Variants in DYTN observed in about 807,000 individuals in gnomAD.
DYTN encodes dystrotelin.
A neutral mutation model predicts 69.6 loss-of-function variants in DYTN; 75 were observed. The ratio of observed to expected loss-of-function variants is 1.08; its 90% confidence interval spans 0.89 to 1.31. The LOEUF is 1.31. DYTN is among the 50% of genes most tolerant of loss of function. DYTN has a pLI of 0.00. For synonymous variants in DYTN, 252 were observed against 249.1 expected, an observed-to-expected ratio of 1.01 and a Z score of -0.11; for missense variants, 726 against 688.4, an observed-to-expected ratio of 1.05 and a Z score of -0.61.
chr2:206,693,473 G>C (rs999450648), intron 8 of DYTN, 150 bp from the exon 9 acceptor site: 3 of 1,068,554 alleles, frequency 2.8e-6, no homozygotes, highest in Non-Finnish European at 3.9e-6. Context: ...TCTTGTCCCT[G>C]AATTTCTTCA....
At chr2:206,712,012 A>G (rs1700082962) in intron 1 of DYTN, among the ~76,000 whole-genome samples, 1 of 152,280 alleles carries the variant, frequency 6.6e-6, no homozygotes, top group South Asian at 2.1e-4. Context: ...ATGTTATTCA[A>G]TAAAGTTATA....
At chr2:206,717,726 G>T (rs1226700283) in intron 1 of DYTN, among the ~76,000 whole-genome samples, 1 of 152,072 alleles carries the variant, frequency 6.6e-6, no homozygotes. Context: ...GGGGAGTAAG[G>T]CTCCAAACAG....
At chr2:206,710,069 C>T (rs769635040) in intron 2 of DYTN, among the ~76,000 whole-genome samples, 6 of 152,066 alleles carry the variant, frequency 3.9e-5, no homozygotes, top group Non-Finnish European at 7.4e-5. Context: ...TTCATTTGTA[C>T]CTACTTTTGC....
intron 9 of DYTN, among the ~76,000 whole-genome samples, chr2:206,672,851 T>G (rs1188055666): frequency 2.6e-5 from 4 of 152,240 alleles, no homozygotes; most frequent in Non-Finnish European, 4.4e-5. Flanking sequence ...AACATAGCAT[T>G]TCTAATCTCT....
chr2:206,672,529 G>A (rs905631643), intron 9 of DYTN, among the ~76,000 whole-genome samples: 1 of 152,160 alleles, frequency 6.6e-6, no homozygotes. Context: ...CCCATGAGGG[G>A]TGTCTCCTGG....
chr2:206,700,567 C>T (rs552100829), intron 5 of DYTN, among the ~76,000 whole-genome samples: 2 of 151,752 alleles, frequency 1.3e-5, no homozygotes, highest in African/African-American at 4.8e-5. Flanking sequence ...CACAATAATA[C>T]TGTCTTAAAG....
At chr2:206,678,692 C>T (rs2105892993) in intron 9 of DYTN, among the ~76,000 whole-genome samples, 1 of 152,204 alleles carries the variant, frequency 6.6e-6, no homozygotes, top group East Asian at 1.9e-4. Context: ...ATAAATTTTA[C>T]AGTGTAGTCT....
chr2:206,696,464 T>A (rs900787152), intron 7 of DYTN, among the ~76,000 whole-genome samples: 9 of 152,194 alleles, frequency 5.9e-5, no homozygotes, highest in Non-Finnish European at 1.0e-4. Context: ...TGGCAGGATA[T>A]TAATAAATAA....
intron 1 of DYTN, among the ~76,000 whole-genome samples, chr2:206,717,236 T>C (rs192944973): frequency 1.4e-4 from 21 of 152,306 alleles, no homozygotes; most frequent in African/African-American, 5.1e-4. Context: ...AGGATTCTTG[T>C]TTTTGCTCAG....
chr2:206,653,677 A>G (rs1270807255), intron 11 of DYTN, among the ~76,000 whole-genome samples: 4 of 152,222 alleles, frequency 2.6e-5, no homozygotes, highest in African/African-American at 9.6e-5. Flanking sequence ...AAGCAAGCCA[A>G]TATGTATTGA....
At chr2:206,658,671 G>A (rs1351979388) in intron 11 of DYTN, among the ~76,000 whole-genome samples, 1 of 152,132 alleles carries the variant, frequency 6.6e-6, no homozygotes, top group Non-Finnish European at 1.5e-5. Context: ...TGGTCCAATT[G>A]TTTCCCCCTG....
intron 9 of DYTN, among the ~76,000 whole-genome samples, chr2:206,676,305 A>C (rs1699685954): frequency 6.6e-6 from 1 of 152,212 alleles, no homozygotes; most frequent in African/African-American, 2.4e-5. Flanking sequence ...AGAAACCATC[A>C]TCCACAGCAA....
rs760204075 is a variant in DYTN, at chr2:206,662,987, C to A, written c.1549G>T (p.Glu517Ter). The change falls in exon 11 of 12, where the codon GAG becomes TAG. Residue 517 changes from glutamate to a stop codon, truncating the protein, a stop_gained. Coordinates refer to ENST00000452335, the MANE Select transcript of DYTN (RefSeq NM_001093730.1). LOFTEE classifies it high-confidence loss of function. ...VEKKEAGNIK[E>*]RKDELEEEEL... ...TCTTCCTCCAGCTCATCCTTTCTCTCCTTGATGTTACCTGCCTCTTTCTTT... is the reference window on the plus strand; with the variant it reads ...TCTTCCTCCAGCTCATCCTTTCTCTACTTGATGTTACCTGCCTCTTTCTTT... 1.9e-6 allele frequency: 3 copies of A among 1,613,730 alleles called. No individual in the cohort carries two copies. The highest frequency in any genetic ancestry group is 2.7e-5 in the African/African-American group (2 of 74,858).
chr2:206,704,156 A>C (rs1403439336), intron 5 of DYTN, among the ~76,000 whole-genome samples: 1 of 152,162 alleles, frequency 6.6e-6, no homozygotes, highest in East Asian at 1.9e-4. Context: ...GGCACTGTTC[A>C]AGTCACTGGA....
chr2:206,673,449 G>C (rs909460379), intron 9 of DYTN, among the ~76,000 whole-genome samples: 1 of 152,028 alleles, frequency 6.6e-6, no homozygotes, highest in African/African-American at 2.4e-5. Flanking sequence ...GTAGAGACGG[G>C]GTTTCACCAC....
At chr2:206,700,290 AGCTGGTGCCCACG>A (rs2105899440) in intron 5 of DYTN, 74 bp from the exon 6 acceptor site, 1 of 1,527,862 alleles carries the variant, frequency 6.5e-7, no homozygotes, top group East Asian at 2.3e-5. Flanking sequence ...CAGGGCTGAG[AGCTGGTGCCCACG>A]GCTGTGTAGT....
chr2:206,680,489 A>T (rs1699739577), intron 9 of DYTN, among the ~76,000 whole-genome samples: 1 of 152,228 alleles, frequency 6.6e-6, no homozygotes, highest in Non-Finnish European at 1.5e-5. Flanking sequence ...CAAGGAAATC[A>T]TTCCAGACAC....
intron 9 of DYTN, among the ~76,000 whole-genome samples, chr2:206,691,437 T>C (rs1699862018): frequency 6.6e-6 from 1 of 152,004 alleles, no homozygotes; most frequent in African/African-American, 2.4e-5. Flanking sequence ...TATATGGATC[T>C]TTGTGATGTG....
At chr2:206,702,893 A>G (rs898726362) in intron 5 of DYTN, among the ~76,000 whole-genome samples, 2 of 152,282 alleles carry the variant, frequency 1.3e-5, no homozygotes, top group African/African-American at 4.8e-5. Flanking sequence ...AGAATTAAAC[A>G]TGGCTAGATG....
Sources: allele counts gnomAD v4.1 joint callset (sites outside exome capture counted in the v4.1 genomes callset), GRCh38; gene constraint gnomAD v4.1.1; transcripts MANE v1.5; gene names NCBI Gene and HGNC (gene_info 2026-07-23, HGNC 2026-07-21).